Variants in NOC2L observed in about 807,000 individuals in gnomAD.
NOC2L encodes the protein NOC2 like nucleolar associated transcriptional repressor.
A neutral mutation model predicts 94.2 loss-of-function variants in NOC2L; 101 were observed. That is an observed-to-expected ratio of 1.07 (90% CI 0.91 to 1.26). The LOEUF is 1.26. Ranked by LOEUF, NOC2L falls within the 50% of genes most tolerant of loss-of-function variation. The probability of loss-of-function intolerance (pLI) is 0.00; values close to 1 mark genes in which losing one functional copy is unlikely to be tolerated. For missense variants in NOC2L, 1,076 were observed against 980.1 expected, an observed-to-expected ratio of 1.10 and a Z score of -1.31; for synonymous variants, 531 against 413.4, an observed-to-expected ratio of 1.28 and a Z score of -3.45.
intron 10 of NOC2L, 89 bp from the exon 11 acceptor site, chr1:952,228 C>T: frequency 1.3e-6 from 2 of 1,515,838 alleles, no homozygotes; most frequent in Middle Eastern, 1.7e-4. Flanking sequence ...GAATCATTTC[C>T]TCATCTTGCA....
intron 10 of NOC2L, 117 bp from the exon 11 acceptor site, chr1:952,256 T>C: frequency 7.1e-7 from 1 of 1,414,662 alleles, no homozygotes; most frequent in Non-Finnish European, 9.8e-7. Flanking sequence ...TCTCAACCCA[T>C]CCACCCTTCC....
Position 952,477 on chromosome 1 carries a change from G to A in NOC2L, c.1126C>T (p.His376Tyr). 4 of 1,613,820 alleles carry A rather than the reference G, an allele frequency of 2.5e-6. No homozygotes were observed. The highest frequency in any genetic ancestry group is 3.4e-6 in the Non-Finnish European group (4 of 1,179,990). Residue 376 changes from histidine (H) to tyrosine (Y), a missense_variant, in exon 10 of 19, where the codon CAC (histidine) becomes TAC (tyrosine). This residue lies in a region of NOC2L where 615 missense variants were observed against 577.4 expected (regional missense o/e 1.07). Transcript: ENST00000327044. Reference protein sequence around the residue: ...LALEPGVAYQHAFLYIRQLAI... With the variant: ...LALEPGVAYQYAFLYIRQLAI... Reference sequence around the variant, plus strand: ...AGCTGGCGGATGTAGAGGAAGGCGTGCTGGTAGGCCACACCCGGCTCCAGG... The same window carrying A: ...AGCTGGCGGATGTAGAGGAAGGCGTACTGGTAGGCCACACCCGGCTCCAGG...
intron 1 of NOC2L, 37 bp downstream of exon 1, chr1:959,178 C>G: frequency 6.2e-7 from 1 of 1,611,870 alleles, no homozygotes; most frequent in South Asian, 1.1e-5. Context: ...CAGACACCCA[C>G]CGGGAGGCCA....
chr1:947,826 A>G (rs564311069), intron 14 of NOC2L, among the ~76,000 whole-genome samples: 1 of 152,350 alleles, frequency 6.6e-6, no homozygotes, highest in Admixed American at 6.5e-5. Flanking sequence ...AGCCTGAGCC[A>G]GGGTCGGCAT....
chr1:949,005 C>G (rs889916491), intron 12 of NOC2L, among the ~76,000 whole-genome samples: 2 of 150,710 alleles, frequency 1.3e-5, no homozygotes, highest in African/African-American at 4.9e-5. Context: ...ACAGCAATGC[C>G]ACATGGGGCT....
chr1:945,176 C>T (rs767284586), intron 17 of NOC2L, 30 bp from the exon 18 acceptor site: 76 of 1,565,282 alleles, frequency 4.9e-5, no homozygotes, highest in Non-Finnish European at 6.1e-5. Flanking sequence ...GTCCATATGA[C>T]TCCCACCCAC....
rs763449605 is a variant in NOC2L at position 945,090 on chromosome 1, C to T, written c.2110G>A (p.Glu704Lys). 8 of 1,612,096 alleles carry T rather than the reference C, an allele frequency of 5.0e-6. No homozygotes were observed. In the South Asian group the frequency reaches 5.6e-5, roughly 11 times the overall value. Residue 704 changes from glutamate (E) to lysine (K), a missense_variant, in exon 18 of 19, where the codon GAG becomes AAG. Glu to Lys is a moderately conservative substitution (Grantham distance 56, BLOSUM62 1). Transcript: ENST00000327044. ...TTGCTGCTGTCCTCCTCGCCCTCCT[C>T]CTCGTCCTCTTCATCGTCTTCCACC... ...HGVEDDEEDE[E>K]EGEEDSSNSE... is the part of the protein sequence containing the mutation.
chr1:957,447 C>A, intron 2 of NOC2L, 174 bp from the exon 3 acceptor site: 1 of 625,900 alleles, frequency 1.6e-6, no homozygotes, highest in South Asian at 1.9e-5. Flanking sequence ...CTACAACATA[C>A]CCTCAAACAC....
chr1:955,396 G>A (rs369171071), intron 6 of NOC2L, among the ~76,000 whole-genome samples: 6 of 152,310 alleles, frequency 3.9e-5, no homozygotes, highest in African/African-American at 1.4e-4. Context: ...GAACCCCAAC[G>A]TGCTCCATGC....
chr1:950,420 T>C (rs542535511), intron 12 of NOC2L, among the ~76,000 whole-genome samples: 29 of 150,042 alleles, frequency 1.9e-4, no homozygotes, highest in African/African-American at 6.9e-4. Flanking sequence ...CACGCACAGG[T>C]ACACACATGC....
At position 950,285 on chromosome 1, in the gene NOC2L, A is replaced by G. The variant is rs111064314; in HGVS notation, c.1443+842T>C. Reference sequence around the variant, plus strand: ...TGCACACAGACACGTGTGTATGCACATAGGTGCACACAGGTACATAGATGC... The same window carrying G: ...TGCACACAGACACGTGTGTATGCACGTAGGTGCACACAGGTACATAGATGC... On this transcript the variant is annotated intron_variant, in intron 12 of 18. Coordinates refer to ENST00000327044, the MANE Select transcript of NOC2L (RefSeq NM_015658.4). 3.8e-3 allele frequency among the ~76,000 whole-genome samples: 575 copies of G among 152,208 alleles called. 7 individuals are homozygous for G. The highest frequency in any genetic ancestry group is 0.013 in the African/African-American group (552 of 41,520).
rs1642333044 is a variant in NOC2L at position 954,003 on chromosome 1, C to T, written c.777+1G>A. 1.2e-6 allele frequency: 2 copies of T among 1,605,416 alleles called. No homozygotes were observed. Among genetic ancestry groups the T allele is most frequent in the Non-Finnish European group, 1.7e-6 (2 of 1,174,700 alleles). Reference sequence around the variant, plus strand: ...CCGTGCCCTCCCCACCAGAATAGCACCTGTATGGCCGAGCCCAGGTAAGCC... The same window carrying T: ...CCGTGCCCTCCCCACCAGAATAGCATCTGTATGGCCGAGCCCAGGTAAGCC... On this transcript the variant is annotated splice_donor_variant, in intron 7 of 18. Coordinates refer to ENST00000327044, the MANE Select transcript of NOC2L (RefSeq NM_015658.4). LOFTEE classifies it high-confidence loss of function.
Position 944,294 on chromosome 1 carries a change from AAGG to A in NOC2L, c.*397_*399del. On this transcript the variant is annotated 3_prime_UTR_variant, in exon 19 of 19. Transcript: ENST00000327044. The stretch of plus-strand genomic sequence containing the variant: ...TAAAAGAAAATGTGACTTCAAAGGA[AAGG>A]AACAAATTTTCAAAGACTTGGGGGA... The A allele has an allele frequency of 7.1e-7, 1 of 1,417,548 alleles. No individual in the cohort carries two copies. Among genetic ancestry groups the A allele is most frequent in the South Asian group, 1.7e-5 (1 of 58,478 alleles). 87.8% of individuals were successfully genotyped at this position (1,417,548 alleles called of 1,614,324 possible). A position where few individuals can be genotyped will look rare whatever the true frequency, so the allele number is the denominator to read the frequency against.
At chr1:959,144 G>T in intron 1 of NOC2L, 63 bp from the exon 2 acceptor site, 2 of 1,612,088 alleles carry the variant, frequency 1.2e-6, no homozygotes, top group Non-Finnish European at 1.7e-6. Flanking sequence ...CCGCTGAGAG[G>T]AGCAAGAAAA....
chr1:953,420 C>T, intron 8 of NOC2L, 132 bp from the exon 9 acceptor site: 3 of 637,280 alleles, frequency 4.7e-6, no homozygotes, highest in South Asian at 3.8e-5. Flanking sequence ...CTCGGGGGAG[C>T]CGTGAGTTAG....
chr1:955,995 G>A lies in NOC2L; in HGVS notation c.626C>T (p.Thr209Ile). Residue 209 changes from threonine (T) to isoleucine (I), a missense_variant, in exon 6 of 19, where the codon ACC becomes ATC. Transcript: ENST00000327044. ...TDSAAFNALV[T>I]FCIRDLIGCL... ...GCCAATGAGGTCTCTGATGCAGAAG[G>A]TAACCAGAGCATTGAATGCTGCAAC... The A allele has an allele frequency of 4.3e-6, 7 of 1,614,024 alleles. No homozygotes were observed. Among genetic ancestry groups the A allele is most frequent in the Non-Finnish European group, 5.9e-6 (7 of 1,180,014 alleles).
intron 6 of NOC2L, 73 bp downstream of exon 6, chr1:955,850 G>A: frequency 1.6e-6 from 2 of 1,277,466 alleles, no homozygotes; most frequent in Non-Finnish European, 2.3e-6. Flanking sequence ...CTAGCCACAA[G>A]GCCTCTGGCT....
In NOC2L at chr1:959,000, T is replaced by G. The variant is rs765892124; in HGVS notation, c.108A>C (p.Pro36=). 1.2e-5 allele frequency: 20 copies of G among 1,612,548 alleles called. No individual in the cohort carries two copies. In the Admixed American group the frequency reaches 3.0e-4, roughly 24 times the overall value. ...CGCGTGCTTCCCGTGTCTCCGCTTGTGGAGAATTTTCGGACTCGGATTCGG... is the reference window on the plus strand; with the variant it reads ...CGCGTGCTTCCCGTGTCTCCGCTTGGGGAGAATTTTCGGACTCGGATTCGG... ...SESESESENS[P]QAETREAREA... is the part of the protein sequence containing the mutation. Residue 36 remains proline, a synonymous_variant, in exon 2 of 19, where the codon CCA becomes CCC. Coordinates refer to ENST00000327044, the MANE Select transcript of NOC2L (RefSeq NM_015658.4).
At chr1:948,314 G>C in intron 13 of NOC2L, 82 bp from the exon 14 acceptor site, 2 of 1,247,308 alleles carry the variant, frequency 1.6e-6, no homozygotes, top group South Asian at 2.6e-5. Flanking sequence ...AGGCTGTCAG[G>C]GCAGCGCCAT....
Sources: gnomAD v4.1 joint callset for allele counts (sites outside exome capture counted in the v4.1 genomes callset) on GRCh38, gnomAD v4.1.1 for gene constraint, gnomAD v4.1.1 regional missense constraint, MANE v1.5 for transcripts, NCBI Gene and HGNC (gene_info 2026-07-23, HGNC 2026-07-21) for gene names.